The following FAM107B variants were observed in gnomAD, a reference collection of about 807,000 sequenced individuals.
FAM107B encodes the protein family with sequence similarity 107 member B.
In FAM107B, 21 loss-of-function variants were observed where a neutral mutation model predicts 31.5. The ratio of observed to expected loss-of-function variants is 0.67; its 90% CI spans 0.47 to 0.96. FAM107B has a LOEUF of 0.96. Among genes scored for constraint, FAM107B ranks in the 40% least tolerant of loss-of-function variants. The probability of loss-of-function intolerance (pLI) is 0.00; values close to 1 mark genes in which losing one functional copy is unlikely to be tolerated. For missense variants in FAM107B, 452 were observed against 377.1 expected, an observed-to-expected ratio of 1.20 and a Z score of -1.64; for synonymous variants, 157 against 141.5, an observed-to-expected ratio of 1.11 and a Z score of -0.78.
At chr10:14,708,981 A>G (rs1243831514) in intron 1 of FAM107B, among the ~76,000 whole-genome samples, 2 of 151,628 alleles carry the variant, frequency 1.3e-5, no homozygotes, top group East Asian at 3.9e-4. Flanking sequence ...GGAATTGCAG[A>G]TTAAAACAAT....
chr10:14,718,582 T>C (rs1187883544), intron 1 of FAM107B, among the ~76,000 whole-genome samples: 1 of 151,518 alleles, frequency 6.6e-6, no homozygotes, highest in East Asian at 1.9e-4. Flanking sequence ...ATCTCTGACC[T>C]CACAGCAGAG....
chr10:14,588,464 A>G (rs1444815773), intron 2 of FAM107B, among the ~76,000 whole-genome samples: 1 of 152,214 alleles, frequency 6.6e-6, no homozygotes. Context: ...CGCCCACGTG[A>G]AAGTCTCCCT....
chr10:14,559,738 ATTTT>A (rs56026288), intron 2 of FAM107B, among the ~76,000 whole-genome samples: 5 of 142,906 alleles, frequency 3.5e-5, no homozygotes, highest in African/African-American at 7.8e-5. Flanking sequence ...CGCCTGGCTA[ATTTT>A]TTTTTTTTTT....
At chr10:14,670,831 C>T (rs541715163) in intron 1 of FAM107B, among the ~76,000 whole-genome samples, 29 of 152,338 alleles carry the variant, frequency 1.9e-4, no homozygotes, top group African/African-American at 6.7e-4. Flanking sequence ...AAGCATCTGT[C>T]CTCACTAGTA....
intron 2 of FAM107B, among the ~76,000 whole-genome samples, chr10:14,654,383 AC>A (rs1853984789): frequency 6.6e-6 from 1 of 152,158 alleles, no homozygotes; most frequent in Non-Finnish European, 1.5e-5. Flanking sequence ...CCGCATATTA[AC>A]CCTAATTATT....
At chr10:14,637,240 ATTTTTGG>A (rs1853523503) in intron 2 of FAM107B, among the ~76,000 whole-genome samples, 1 of 151,978 alleles carries the variant, frequency 6.6e-6, no homozygotes, top group South Asian at 2.1e-4. Flanking sequence ...TGGCAGTCTG[ATTTTTGG>A]GGTGGCCCCT....
At chr10:14,530,902 T>G (rs1009065750) in intron 2 of FAM107B, among the ~76,000 whole-genome samples, 1 of 152,320 alleles carries the variant, frequency 6.6e-6, no homozygotes, top group East Asian at 1.9e-4. Flanking sequence ...TGGCCCACAA[T>G]GGCTGCAGTT....
intron 2 of FAM107B, chr10:14,548,565 C>T (rs1031911771): frequency 5.2e-5 from 51 of 985,412 alleles, no homozygotes; most frequent in Non-Finnish European, 6.1e-5. Flanking sequence ...CTAGCCCTGC[C>T]TCAGCTGCCC....
intron 2 of FAM107B, among the ~76,000 whole-genome samples, chr10:14,557,869 G>A (rs1488784606): frequency 6.6e-6 from 1 of 152,244 alleles, no homozygotes; most frequent in Non-Finnish European, 1.5e-5. Flanking sequence ...TCTACCTGAT[G>A]CCAGAGTGCC....
intron 2 of FAM107B, among the ~76,000 whole-genome samples, chr10:14,598,208 G>A (rs1046111414): frequency 7.2e-5 from 11 of 152,152 alleles, no homozygotes; most frequent in African/African-American, 2.7e-4. Flanking sequence ...TGGGTTTGTT[G>A]ACTGTGCTTT....
At chr10:14,538,416 A>G (rs1264965679) in intron 2 of FAM107B, among the ~76,000 whole-genome samples, 1 of 152,240 alleles carries the variant, frequency 6.6e-6, no homozygotes, top group Non-Finnish European at 1.5e-5. Flanking sequence ...AGCAAAGCAC[A>G]GCTGAATCTC....
intron 2 of FAM107B, among the ~76,000 whole-genome samples, chr10:14,608,458 T>C (rs1220693973): frequency 2.0e-5 from 3 of 152,216 alleles, no homozygotes; most frequent in Non-Finnish European, 4.4e-5. Context: ...TGCGATATCT[T>C]ATTTCTGCCC....
chr10:14,530,359 T>G lies in FAM107B; in HGVS notation c.626A>C (p.His209Pro). The stretch of plus-strand genomic sequence containing the variant: ...TTTTTGATTCATAAGAAGTTCTCTG[T>G]GAAGATCTTGATGGTTCCGGGAGGT... ...VKTSRNHQDL[H>P]RELLMNQKRG... is the part of the protein sequence containing the mutation. The change falls in exon 3 of 5, where the codon CAC becomes CCC. Residue 209 changes from histidine to proline, a missense_variant. Coordinates refer to ENST00000181796, the MANE Select transcript of FAM107B (RefSeq NM_031453.4). 1 of 1,613,682 alleles carries G rather than the reference T, an allele frequency of 6.2e-7. No individual in the cohort carries two copies. Among genetic ancestry groups the G allele is most frequent in the Non-Finnish European group, 8.5e-7 (1 of 1,179,914 alleles).
intron 1 of FAM107B, among the ~76,000 whole-genome samples, chr10:14,763,132 G>T (rs958473510): frequency 3.3e-5 from 5 of 151,616 alleles, no homozygotes; most frequent in Non-Finnish European, 7.4e-5. Context: ...TGTGGTGGCA[G>T]GCACCTGTAA....
At chr10:14,564,894 T>C (rs1424672493) in intron 2 of FAM107B, among the ~76,000 whole-genome samples, 1 of 152,222 alleles carries the variant, frequency 6.6e-6, no homozygotes, top group Non-Finnish European at 1.5e-5. Context: ...TTCTACACTT[T>C]CGTTCTAAAA....
intron 1 of FAM107B, among the ~76,000 whole-genome samples, chr10:14,738,981 G>A (rs1350696204): frequency 6.6e-6 from 1 of 152,154 alleles, no homozygotes; most frequent in Non-Finnish European, 1.5e-5. Context: ...GGGTGACTTG[G>A]GTTGAAGGGG....
intron 2 of FAM107B, among the ~76,000 whole-genome samples, chr10:14,579,169 C>A (rs1175633554): frequency 6.6e-6 from 1 of 152,126 alleles, no homozygotes; most frequent in Non-Finnish European, 1.5e-5. Context: ...GAAATAATTA[C>A]CAATTTGACA....
chr10:14,576,861 G>C (rs1385806630), intron 2 of FAM107B, among the ~76,000 whole-genome samples: 2 of 152,192 alleles, frequency 1.3e-5, no homozygotes. Flanking sequence ...TCCCTGAATA[G>C]AGAAGGGGTA....
chr10:14,594,175 T>C (rs1473380297), intron 2 of FAM107B, among the ~76,000 whole-genome samples: 1 of 152,156 alleles, frequency 6.6e-6, no homozygotes, highest in Non-Finnish European at 1.5e-5. Flanking sequence ...ATCATCTCCA[T>C]ACGGTAATGC....
Sources: allele counts gnomAD v4.1 joint callset (sites outside exome capture counted in the v4.1 genomes callset), GRCh38; gene constraint gnomAD v4.1.1; transcripts MANE v1.5; gene names NCBI Gene and HGNC (gene_info 2026-07-23, HGNC 2026-07-21).